Variants in SLC41A2 observed in about 807,000 individuals in gnomAD.
The protein encoded by SLC41A2 is solute carrier family 41 member 2, also known as SLC41A1-like 1.
A neutral mutation model predicts 58.3 loss-of-function variants in SLC41A2; 32 were observed. That is an observed-to-expected ratio of 0.55 (90% CI 0.41 to 0.74). The LOEUF (loss-of-function observed/expected upper bound fraction) is 0.74. Ranked by LOEUF, SLC41A2 falls within the 30% of genes least tolerant of loss-of-function variation. The pLI, the probability that SLC41A2 is intolerant of heterozygous loss-of-function variation, is 0.00. For missense variants in SLC41A2, 514 were observed against 680.6 expected, an observed-to-expected ratio of 0.76 and a Z score of 2.72; for synonymous variants, 190 against 235.0, an observed-to-expected ratio of 0.81 and a Z score of 1.75.
intron 1 of SLC41A2, among the ~76,000 whole-genome samples, chr12:104,930,693 G>C (rs1057091424): frequency 1.3e-5 from 2 of 152,156 alleles, no homozygotes; most frequent in Admixed American, 6.6e-5. Context: ...TCACCATTCA[G>C]CCATTCTAAA....
At chr12:104,915,993 T>C (rs753960092) in intron 2 of SLC41A2, among the ~76,000 whole-genome samples, 9 of 152,212 alleles carry the variant, frequency 5.9e-5, no homozygotes, top group Non-Finnish European at 1.3e-4. Context: ...TTGTTGAATT[T>C]TGTCAAAGGC....
intron 1 of SLC41A2, among the ~76,000 whole-genome samples, chr12:104,956,177 A>C (rs1173558693): frequency 6.6e-6 from 1 of 152,238 alleles, no homozygotes; most frequent in South Asian, 2.1e-4. Context: ...ATACCAGGGC[A>C]GTAAATGTAA....
intron 2 of SLC41A2, among the ~76,000 whole-genome samples, chr12:104,912,427 G>C (rs1265882706): frequency 6.6e-6 from 1 of 152,078 alleles, no homozygotes; most frequent in Non-Finnish European, 1.5e-5. Flanking sequence ...CGATGACCAG[G>C]GGTTTAATAA....
chr12:104,957,016 C>T (rs954265049), intron 1 of SLC41A2, among the ~76,000 whole-genome samples: 1 of 152,132 alleles, frequency 6.6e-6, no homozygotes, highest in Non-Finnish European at 1.5e-5. Context: ...AAGTGAAACA[C>T]GGAGCAATTG....
rs141172041 is a variant in SLC41A2, at chr12:104,826,840, C to T, written c.1536+17632G>A. Among the ~76,000 whole-genome samples the T allele has an allele frequency of 4.9e-3, 743 of 152,268 alleles. 20 individuals are homozygous for T. Among genetic ancestry groups the T allele is most frequent in the East Asian group, 0.012 (60 of 5,178 alleles). ...CACTTTTGAATTAGAACCTGATGGA[C>T]GCTGAGAAGCAGGCTGTTCTGCAAG... On this transcript the variant is annotated intron_variant, in intron 10 of 10. Transcript: ENST00000258538.
At chr12:104,877,824 C>A (rs1214322419) in intron 6 of SLC41A2, among the ~76,000 whole-genome samples, 1 of 152,014 alleles carries the variant, frequency 6.6e-6, no homozygotes, top group Non-Finnish European at 1.5e-5. Context: ...CACAGTGAAA[C>A]CCCGTCTCTA....
intron 6 of SLC41A2, among the ~76,000 whole-genome samples, chr12:104,873,633 CA>C (rs1313421528): frequency 6.6e-6 from 1 of 152,186 alleles, no homozygotes; most frequent in Non-Finnish European, 1.5e-5. Flanking sequence ...CACCAATTTA[CA>C]TTTCTACCAA....
intron 3 of SLC41A2, among the ~76,000 whole-genome samples, chr12:104,896,588 T>C (rs879260765): frequency 7.9e-5 from 12 of 152,186 alleles, no homozygotes; most frequent in Non-Finnish European, 1.5e-4. Context: ...TGTCTATATC[T>C]GTAGGAAGCA....
chr12:104,907,359 T>C (rs577691529), intron 3 of SLC41A2, among the ~76,000 whole-genome samples: 27 of 152,316 alleles, frequency 1.8e-4, no homozygotes, highest in Admixed American at 1.8e-3. Context: ...CTACATACTA[T>C]AGACTAAAGT....
intron 10 of SLC41A2, among the ~76,000 whole-genome samples, chr12:104,832,666 A>G (rs1021774985): frequency 2.0e-5 from 3 of 152,138 alleles, no homozygotes; most frequent in East Asian, 1.9e-4. Context: ...CTCTTGGCCA[A>G]CCTAAACCAT....
intron 10 of SLC41A2, among the ~76,000 whole-genome samples, chr12:104,832,224 T>C (rs2042062808): frequency 6.6e-6 from 1 of 152,198 alleles, no homozygotes; most frequent in African/African-American, 2.4e-5. Flanking sequence ...ACTTTTTCTA[T>C]GTCACACTCT....
chr12:104,895,172 A>G (rs1336402699), intron 4 of SLC41A2, 102 bp downstream of exon 4: 2 of 746,928 alleles, frequency 2.7e-6, no homozygotes, highest in Non-Finnish European at 4.5e-6. Flanking sequence ...TCTGAAAACA[A>G]TTAAAGGGTA....
intron 1 of SLC41A2, among the ~76,000 whole-genome samples, chr12:104,935,601 G>C (rs570385092): frequency 1.2e-3 from 181 of 152,216 alleles, no homozygotes; most frequent in African/African-American, 4.3e-3. Context: ...TTATTTACTG[G>C]TTTTGTTCCA....
chr12:104,844,472 C>A lies in SLC41A2; in HGVS notation c.1536G>T (p.Gln512His). Residue 512 changes from glutamine to histidine, a missense_variant and splice_region_variant, in exon 10 of 11, where the codon CAG (glutamine) becomes CAT (histidine). Physicochemically the swap from Gln to His is conservative, Grantham distance 24. Around this residue, in one of 3 missense-constraint regions of SLC41A2, gnomAD observed 128 missense variants for 146.0 expected, o/e 0.88. Coordinates refer to ENST00000258538, the MANE Select transcript of SLC41A2 (RefSeq NM_001352171.3). Reference protein sequence around the residue: ...IVVYLFGAVLQVFTLLWIADW... With the variant: ...IVVYLFGAVLHVFTLLWIADW... ...GATTTCAAGAAGTTTTAACTCTTACCTGTAACACAGCGCCAAATAAATACA... is the reference window on the plus strand; with the variant it reads ...GATTTCAAGAAGTTTTAACTCTTACATGTAACACAGCGCCAAATAAATACA... The A allele has an allele frequency of 2.0e-6, 3 of 1,466,776 alleles. No homozygotes were observed. The highest frequency in any genetic ancestry group is 2.5e-5 in the Admixed American group (1 of 40,336). 90.9% of individuals were successfully genotyped at this position (1,466,776 alleles called of 1,614,324 possible). A position where few individuals can be genotyped will look rare whatever the true frequency, so the allele number is the denominator to read the frequency against.
At chr12:104,956,192 G>T (rs371957117) in intron 1 of SLC41A2, among the ~76,000 whole-genome samples, 1 of 152,172 alleles carries the variant, frequency 6.6e-6, no homozygotes, top group East Asian at 1.9e-4. Flanking sequence ...ATGTAAAGGG[G>T]TCAGTAAGAT....
chr12:104,948,368 T>C (rs1003581671), intron 1 of SLC41A2, among the ~76,000 whole-genome samples: 5 of 152,126 alleles, frequency 3.3e-5, no homozygotes, highest in African/African-American at 9.7e-5. Context: ...AGAACTAAAC[T>C]CTAATCAGTA....
intron 9 of SLC41A2, 148 bp downstream of exon 9, chr12:104,845,695 A>C (rs1424694391): frequency 2.6e-5 from 16 of 624,156 alleles, no homozygotes; most frequent in Non-Finnish European, 3.8e-5. Context: ...CTTGATACAC[A>C]TGCCTTTTCA....
At chr12:104,897,663 A>G (rs531877409) in intron 3 of SLC41A2, among the ~76,000 whole-genome samples, 3 of 152,366 alleles carry the variant, frequency 2.0e-5, no homozygotes, top group South Asian at 4.1e-4. Flanking sequence ...GACTATATTT[A>G]TAAACAATAA....
At chr12:104,826,996 C>G (rs994348739) in intron 10 of SLC41A2, among the ~76,000 whole-genome samples, 3 of 152,120 alleles carry the variant, frequency 2.0e-5, no homozygotes, top group Admixed American at 1.3e-4. Context: ...AGGTGGAAGA[C>G]TGGAAGAGGA....
Sources: allele counts gnomAD v4.1 joint callset (sites outside exome capture counted in the v4.1 genomes callset), GRCh38; gene constraint gnomAD v4.1.1; regional missense constraint gnomAD v4.1.1; transcripts MANE v1.5; gene names NCBI Gene and HGNC (gene_info 2026-07-23, HGNC 2026-07-21).